Variants in TRHDE observed in about 807,000 individuals in gnomAD.
TRHDE encodes the protein thyrotropin-releasing hormone-degrading ectoenzyme.
TRHDE carries 72 observed loss-of-function variants against 125.7 expected under a neutral mutation model. The ratio of observed to expected loss-of-function variants is 0.57; its 90% CI spans 0.47 to 0.70. The LOEUF (loss-of-function observed/expected upper bound fraction) is 0.70. TRHDE is among the 30% of genes least tolerant of loss of function. The pLI is 0.00. For synonymous variants in TRHDE, 509 were observed against 509.1 expected (o/e 1.00, Z 0.00); for missense variants, 1,110 against 1,327.1 (o/e 0.84, Z 2.54).
chr12:72,140,691 T>A (rs1220285256), intron 2 of TRHDE, among the ~76,000 whole-genome samples: 3 of 152,156 alleles, frequency 2.0e-5, no homozygotes. Flanking sequence ...ATAATATGAG[T>A]GGCAGAGTAT....
At chr12:72,417,449 C>A (rs1873779717) in intron 3 of TRHDE, among the ~76,000 whole-genome samples, 1 of 151,942 alleles carries the variant, frequency 6.6e-6, no homozygotes. Context: ...CTGGGACAAG[C>A]CACAGCATTA....
rs1875074381 is a variant in TRHDE, at chr12:72,665,305, C to T, written c.*2110C>T. 6.6e-6 allele frequency: 1 copy of T among 152,182 alleles called. No individual in the cohort carries two copies. 9.4% of individuals were successfully genotyped at this position (152,182 alleles called of 1,614,324 possible). On this transcript the variant is annotated 3_prime_UTR_variant, in exon 19 of 19. Transcript: ENST00000261180. The stretch of plus-strand genomic sequence containing the variant: ...GAAGGGCTTTTATAGTTGTATTTTC[C>T]TCCTCACTGTTAATAATCATAATCC...
intron 2 of TRHDE, among the ~76,000 whole-genome samples, chr12:72,375,749 G>C (rs1871849863): frequency 6.6e-6 from 1 of 152,188 alleles, no homozygotes; most frequent in Non-Finnish European, 1.5e-5. Context: ...GTCTTTGAGA[G>C]TGGTGATTGT....
intron 3 of TRHDE, among the ~76,000 whole-genome samples, chr12:72,382,094 A>G (rs1444035663): frequency 6.6e-6 from 1 of 152,180 alleles, no homozygotes; most frequent in Admixed American, 6.5e-5. Flanking sequence ...GTCAGAAACG[A>G]CTACTGAGCG....
intron 2 of TRHDE, among the ~76,000 whole-genome samples, chr12:72,176,817 A>G (rs536331928): frequency 6.6e-6 from 1 of 152,368 alleles, no homozygotes; most frequent in South Asian, 2.1e-4. Flanking sequence ...TACAAAAACT[A>G]AAATAGTCAT....
intron 3 of TRHDE, among the ~76,000 whole-genome samples, chr12:72,430,309 GTATA>G (rs1396324401): frequency 7.3e-6 from 1 of 137,314 alleles, no homozygotes; most frequent in Non-Finnish European, 1.5e-5. Context: ...GTATATATAT[GTATA>G]TATACATGTA....
chr12:72,500,279 A>G (rs886779395), intron 6 of TRHDE, among the ~76,000 whole-genome samples: 1 of 152,168 alleles, frequency 6.6e-6, no homozygotes, highest in Non-Finnish European at 1.5e-5. Flanking sequence ...TTTTAACATG[A>G]TGATGTGCCT....
chr12:72,215,013 T>C (rs1440753959), intron 2 of TRHDE, among the ~76,000 whole-genome samples: 1 of 152,174 alleles, frequency 6.6e-6, no homozygotes, highest in Non-Finnish European at 1.5e-5. Flanking sequence ...GCATTGCATG[T>C]GGTCCGTGTG....
intron 2 of TRHDE, among the ~76,000 whole-genome samples, chr12:72,370,832 T>G (rs1871547468): frequency 6.6e-6 from 1 of 152,066 alleles, no homozygotes; most frequent in Non-Finnish European, 1.5e-5. Flanking sequence ...AACCTCTGCC[T>G]GCACCGTTCA....
intron 2 of TRHDE, among the ~76,000 whole-genome samples, chr12:72,134,119 T>C (rs924846531): frequency 1.3e-5 from 2 of 152,242 alleles, no homozygotes; most frequent in African/African-American, 4.8e-5. Flanking sequence ...GGCTGATCTC[T>C]GGTTTCCTTC....
chr12:72,346,188 G>C (rs1452848528), intron 2 of TRHDE, among the ~76,000 whole-genome samples: 3 of 151,998 alleles, frequency 2.0e-5, no homozygotes. Context: ...GTGGAAGCTG[G>C]CTCCAGCAAA....
At chr12:72,633,332 A>G (rs1873577668) in intron 15 of TRHDE, among the ~76,000 whole-genome samples, 1 of 152,110 alleles carries the variant, frequency 6.6e-6, no homozygotes, top group African/African-American at 2.4e-5. Flanking sequence ...AATATTAAGA[A>G]GTACTGAATA....
chr12:72,107,268 T>C (rs575647789), intron 2 of TRHDE, among the ~76,000 whole-genome samples: 5 of 152,130 alleles, frequency 3.3e-5, no homozygotes, highest in Non-Finnish European at 7.4e-5. Context: ...CACAAATTCA[T>C]TGGCAGCTTT....
intron 12 of TRHDE, among the ~76,000 whole-genome samples, chr12:72,605,974 C>T (rs1836042): frequency 0.4 from 61,360 of 151,920 alleles, 14,383 homozygotes; most frequent in African/African-American, 0.64. Flanking sequence ...ACAAAATGTC[C>T]TTCTTATGTT....
At chr12:72,538,078 G>A (rs887342995) in intron 6 of TRHDE, among the ~76,000 whole-genome samples, 1 of 151,928 alleles carries the variant, frequency 6.6e-6, no homozygotes, top group Non-Finnish European at 1.5e-5. Flanking sequence ...TGTGTCTTCA[G>A]TTTCTATCTC....
At chr12:72,201,780 T>C (rs958577419) in intron 2 of TRHDE, among the ~76,000 whole-genome samples, 2 of 152,228 alleles carry the variant, frequency 1.3e-5, no homozygotes, top group Admixed American at 6.5e-5. Context: ...AACCCTGCTC[T>C]GGTGTTGCCA....
chr12:72,194,984 C>T (rs1389785316), intron 2 of TRHDE, among the ~76,000 whole-genome samples: 1 of 152,160 alleles, frequency 6.6e-6, no homozygotes, highest in East Asian at 1.9e-4. Flanking sequence ...TTAATTGGCT[C>T]ACAGTTCTGC....
chr12:72,579,076 A>G (rs1039641920), intron 12 of TRHDE, among the ~76,000 whole-genome samples: 2 of 149,286 alleles, frequency 1.3e-5, no homozygotes, highest in African/African-American at 2.5e-5. Context: ...ATTTTTCACT[A>G]TTAGAATCAA....
At chr12:72,408,438 A>G (rs1049448554) in intron 3 of TRHDE, among the ~76,000 whole-genome samples, 4 of 152,196 alleles carry the variant, frequency 2.6e-5, no homozygotes, top group Admixed American at 6.5e-5. Flanking sequence ...GCAGAAAGGT[A>G]TTTTCATCTT....
Sources: allele counts gnomAD v4.1 joint callset (sites outside exome capture counted in the v4.1 genomes callset), GRCh38; gene constraint gnomAD v4.1.1; transcripts MANE v1.5; gene names NCBI Gene and HGNC (gene_info 2026-07-23, HGNC 2026-07-21).